Variants in MMP16 observed in about 807,000 individuals in gnomAD.
MMP16 encodes the protein matrix metallopeptidase 16, also known as matrix metalloproteinase-16.
In MMP16, 12 loss-of-function variants were observed where a neutral mutation model predicts 67.8. That is an observed-to-expected ratio of 0.18 (90% CI 0.11 to 0.29). MMP16 has a LOEUF of 0.29. Among genes scored for constraint, MMP16 ranks in the 10% least tolerant of loss-of-function variants. The pLI is 1.00. For missense variants in MMP16, 475 were observed against 765.7 expected, an observed-to-expected ratio of 0.62 and a Z score of 4.48; for synonymous variants, 249 against 255.9, an observed-to-expected ratio of 0.97 and a Z score of 0.26.
chr8:88,309,660 T>C (rs1040199159), intron 1 of MMP16, among the ~76,000 whole-genome samples: 2 of 152,096 alleles, frequency 1.3e-5, no homozygotes, highest in African/African-American at 4.8e-5. Context: ...GACTGTTTAA[T>C]ATTCTAAGAC....
At chr8:88,064,327 C>A (rs1422686853) in intron 7 of MMP16, among the ~76,000 whole-genome samples, 1 of 151,996 alleles carries the variant, frequency 6.6e-6, no homozygotes, top group Non-Finnish European at 1.5e-5. Context: ...TTACTGTTCA[C>A]CATTTATATA....
At chr8:88,276,849 T>C (rs914193627) in intron 1 of MMP16, among the ~76,000 whole-genome samples, 1 of 152,124 alleles carries the variant, frequency 6.6e-6, no homozygotes, top group Admixed American at 6.5e-5. Context: ...CAAGTTTCAT[T>C]CTTTCCATGT....
rs772896961 is a variant in MMP16, at chr8:88,212,151, T to C, written c.133-14845A>G. 9.9e-5 allele frequency among the ~76,000 whole-genome samples: 15 copies of C among 152,128 alleles called. No homozygotes were observed. In the East Asian group the frequency reaches 1.4e-3, roughly 14 times the overall value. ...CCTCTGAGAGCACTCAGTGTGTAGATGGCTTGCTGAATAATTAACAAGTCA... is the reference window on the plus strand; with the variant it reads ...CCTCTGAGAGCACTCAGTGTGTAGACGGCTTGCTGAATAATTAACAAGTCA... On this transcript the variant is annotated intron_variant, in intron 1 of 9. Coordinates refer to ENST00000286614, the MANE Select transcript of MMP16 (RefSeq NM_005941.5).
At chr8:88,250,418 C>A (rs1810191861) in intron 1 of MMP16, among the ~76,000 whole-genome samples, 1 of 151,942 alleles carries the variant, frequency 6.6e-6, no homozygotes, top group Non-Finnish European at 1.5e-5. Context: ...AAATAAAGGC[C>A]TGAAAATTTT....
chr8:88,188,345 G>A (rs914029691), intron 2 of MMP16, among the ~76,000 whole-genome samples: 1 of 152,040 alleles, frequency 6.6e-6, no homozygotes, highest in African/African-American at 2.4e-5. Context: ...AAAGTACTGG[G>A]AGAACAAACA....
At chr8:88,316,372 T>C (rs1470595080) in intron 1 of MMP16, among the ~76,000 whole-genome samples, 1 of 152,170 alleles carries the variant, frequency 6.6e-6, no homozygotes, top group Non-Finnish European at 1.5e-5. Flanking sequence ...AAGGACAGAC[T>C]GACTTTCTTG....
At chr8:88,129,507 T>G (rs1030316309) in intron 4 of MMP16, among the ~76,000 whole-genome samples, 1 of 151,646 alleles carries the variant, frequency 6.6e-6, no homozygotes, top group Non-Finnish European at 1.5e-5. Context: ...CTTGACACAT[T>G]CAGATTTCCT....
At chr8:88,239,663 T>A (rs1810004042) in intron 1 of MMP16, among the ~76,000 whole-genome samples, 1 of 152,190 alleles carries the variant, frequency 6.6e-6, no homozygotes, top group African/African-American at 2.4e-5. Flanking sequence ...CTAAGCGTCT[T>A]ATGTTTTTTA....
At chr8:88,082,292 G>A (rs1434266468) in intron 6 of MMP16, among the ~76,000 whole-genome samples, 1 of 152,040 alleles carries the variant, frequency 6.6e-6, no homozygotes. Context: ...CGGCTTGTAG[G>A]AATGGGCATC....
intron 4 of MMP16, among the ~76,000 whole-genome samples, chr8:88,129,293 C>T (rs16878834): frequency 0.081 from 12,238 of 151,650 alleles, 533 homozygotes; most frequent in African/African-American, 0.11. Flanking sequence ...TCATTGCCAC[C>T]TAATTCATTT....
intron 1 of MMP16, among the ~76,000 whole-genome samples, chr8:88,300,871 A>T (rs1272605137): frequency 6.6e-6 from 1 of 152,136 alleles, no homozygotes; most frequent in Admixed American, 6.5e-5. Flanking sequence ...CCACCAGCTA[A>T]TGAAATGGCA....
intron 1 of MMP16, among the ~76,000 whole-genome samples, chr8:88,296,017 T>C (rs1345496363): frequency 1.3e-5 from 2 of 149,794 alleles, no homozygotes; most frequent in African/African-American, 4.9e-5. Flanking sequence ...ATATATTAAC[T>C]GTATATTAAT....
intron 7 of MMP16, among the ~76,000 whole-genome samples, chr8:88,073,123 C>G (rs968408253): frequency 6.6e-6 from 1 of 152,182 alleles, no homozygotes; most frequent in African/African-American, 2.4e-5. Context: ...CGGAACTTAA[C>G]CTGCCCTTCT....
At chr8:88,158,052 T>G (rs1808544974) in intron 4 of MMP16, among the ~76,000 whole-genome samples, 1 of 152,182 alleles carries the variant, frequency 6.6e-6, no homozygotes, top group Non-Finnish European at 1.5e-5. Flanking sequence ...GTGCCCCATT[T>G]TCTTAATCCA....
At chr8:88,149,045 C>T (rs1026447172) in intron 4 of MMP16, among the ~76,000 whole-genome samples, 3 of 152,188 alleles carry the variant, frequency 2.0e-5, no homozygotes, top group South Asian at 2.1e-4. Context: ...ATTGCCTCAC[C>T]TGGGAAGCGC....
chr8:88,048,415 A>G (rs1222521765), intron 8 of MMP16, among the ~76,000 whole-genome samples: 1 of 143,550 alleles, frequency 7.0e-6, no homozygotes, highest in Non-Finnish European at 1.5e-5. Flanking sequence ...TAGGAGTAAA[A>G]TAAGTTTATA....
intron 4 of MMP16, among the ~76,000 whole-genome samples, chr8:88,166,100 C>A (rs1004273327): frequency 5.9e-5 from 9 of 151,956 alleles, no homozygotes; most frequent in Non-Finnish European, 8.8e-5. Flanking sequence ...TTTATCCTAT[C>A]CAAAACACGA....
intron 7 of MMP16, among the ~76,000 whole-genome samples, chr8:88,071,097 T>G (rs1029509792): frequency 6.6e-6 from 1 of 152,132 alleles, no homozygotes; most frequent in Non-Finnish European, 1.5e-5. Flanking sequence ...GATATACATG[T>G]GCACATATAA....
At chr8:88,126,922 G>GTAACAATAACAA (rs1204899776) in intron 4 of MMP16, among the ~76,000 whole-genome samples, 1 of 151,740 alleles carries the variant, frequency 6.6e-6, no homozygotes, top group Non-Finnish European at 1.5e-5. Context: ...GGTAATTTCA[G>GTAACAATAACAA]TAACAATAAC....
Sources: gnomAD v4.1 joint callset for allele counts (sites outside exome capture counted in the v4.1 genomes callset) on GRCh38, gnomAD v4.1.1 for gene constraint, MANE v1.5 for transcripts, NCBI Gene and HGNC (gene_info 2026-07-23, HGNC 2026-07-21) for gene names.